PRPS1: variants seen among roughly 807,000 people sequenced by gnomAD.
PRPS1 encodes ribose-phosphate pyrophosphokinase 1.
PRPS1 carries 1 observed loss-of-function variant against 16.9 expected under a neutral mutation model. That is an observed-to-expected ratio of 0.06 (90% confidence interval 0.02 to 0.28). The LOEUF is 0.28. PRPS1 is among the 10% of genes least tolerant of loss of function. The pLI is 1.00. For missense variants in PRPS1, 47 were observed against 254.0 expected, an observed-to-expected ratio of 0.19 and a Z score of 5.54; for synonymous variants, 70 against 90.2, an observed-to-expected ratio of 0.78 and a Z score of 1.27.
In PRPS1 at chrX:107,650,358, CTTTGTAT is replaced by C. The variant is rs1470423035; in HGVS notation, c.*327_*333del. On this transcript the variant is annotated 3_prime_UTR_variant, in exon 7 of 7. Coordinates refer to ENST00000372435, the MANE Select transcript of PRPS1 (RefSeq NM_002764.4). ...ACTGTGACTGGGGAAGCTCAGACTA[CTTTGTAT>C]GTGAATGCTTCAGGGTTTTCTTTGT... The C allele has an allele frequency of 2.5e-6, 1 of 405,775 alleles. No homozygotes were observed. Among genetic ancestry groups the C allele is most frequent in the East Asian group, 4.2e-5 (1 of 23,849 alleles). 33.4% of individuals were successfully genotyped at this position (405,775 alleles called of 1,213,427 possible). A position where few individuals can be genotyped will look rare whatever the true frequency, so the allele number is the denominator to read the frequency against.
chrX:107,635,437 A>G (rs965380760), intron 1 of PRPS1, among the ~76,000 whole-genome samples: 2 of 103,441 alleles, frequency 1.9e-5, no homozygotes, highest in African/African-American at 7.9e-5. Context: ...CAGCATTAAA[A>G]TTTTCTGATT....
At chrX:107,646,425 G>GT (rs910442991) in intron 5 of PRPS1, among the ~76,000 whole-genome samples, 3 of 111,787 alleles carry the variant, frequency 2.7e-5, no homozygotes, top group Non-Finnish European at 5.6e-5. Flanking sequence ...CCTGAGAATG[G>GT]TTTTTTTAAA....
rs756302313 is a variant in PRPS1, at chrX:107,645,149, A to G, written c.531-28A>G. On this transcript the variant is annotated intron_variant, in intron 4 of 6. Transcript: ENST00000372435. ...ATTTCTTTTGTCTTAGAAGCCACAC[A>G]TACATATGAACACGCTCTGTTTTGC... 10 of 1,208,889 alleles carry G rather than the reference A, an allele frequency of 8.3e-6. No individual in the cohort carries two copies. The African/African-American group carries it at 1.6e-4, about 19-fold the overall frequency.
chrX:107,639,658 T>A (rs1925527614), intron 2 of PRPS1, among the ~76,000 whole-genome samples, 180 bp downstream of exon 2: 1 of 112,256 alleles, frequency 8.9e-6, no homozygotes, highest in Non-Finnish European at 1.9e-5. Flanking sequence ...GCAACACATT[T>A]GTAGTCTGTA....
intron 2 of PRPS1, among the ~76,000 whole-genome samples, chrX:107,640,035 A>C (rs1012687923): frequency 4.4e-5 from 5 of 113,030 alleles, no homozygotes; most frequent in African/African-American, 6.4e-5. Flanking sequence ...TTATTCCAAC[A>C]GAGTATAAAG....
intron 4 of PRPS1, among the ~76,000 whole-genome samples, chrX:107,643,927 C>G (rs747341491): frequency 3.0e-4 from 33 of 111,684 alleles, no homozygotes; most frequent in African/African-American, 9.8e-4. Context: ...CCAGCAAAAA[C>G]TCATGTGACC....
At chrX:107,641,830 C>T (rs971697181) in intron 3 of PRPS1, among the ~76,000 whole-genome samples, 1 of 112,039 alleles carries the variant, frequency 8.9e-6, no homozygotes, top group African/African-American at 3.2e-5. Context: ...GGACTGTACT[C>T]CTTTTATGGA....
intron 3 of PRPS1, among the ~76,000 whole-genome samples, chrX:107,641,864 AC>A (rs1925580770): frequency 8.9e-6 from 1 of 112,758 alleles, no homozygotes; most frequent in Non-Finnish European, 1.9e-5. Flanking sequence ...ATTGAGAAAT[AC>A]AACTAATTTG....
intron 4 of PRPS1, 92 bp from the exon 5 acceptor site, chrX:107,645,085 A>T (rs1477453976): frequency 9.6e-7 from 1 of 1,042,430 alleles, no homozygotes; most frequent in Non-Finnish European, 1.3e-6. Flanking sequence ...AAGTGCTGGG[A>T]TTACAGGCGT....
At chrX:107,647,513 T>C (rs1225066450) in intron 5 of PRPS1, 93 bp from the exon 6 acceptor site, 6 of 930,434 alleles carry the variant, frequency 6.4e-6, no homozygotes, top group Non-Finnish European at 9.2e-6. Flanking sequence ...GATATTTTGT[T>C]GTGGAAGCCT....
intron 1 of PRPS1, among the ~76,000 whole-genome samples, chrX:107,637,233 A>G (rs1417771877): frequency 1.8e-5 from 2 of 111,137 alleles, no homozygotes; most frequent in East Asian, 5.6e-4. Context: ...CCTACTTCAT[A>G]CTTAGAGTAA....
intron 4 of PRPS1, among the ~76,000 whole-genome samples, chrX:107,642,721 G>T (rs1198915639): frequency 8.9e-6 from 1 of 112,039 alleles, no homozygotes; most frequent in East Asian, 2.8e-4. Context: ...TTATGGATTT[G>T]ACTATAACTT....
At chrX:107,633,304 C>A (rs1056936312) in intron 1 of PRPS1, among the ~76,000 whole-genome samples, 1 of 108,445 alleles carries the variant, frequency 9.2e-6, no homozygotes, top group Non-Finnish European at 1.9e-5. Flanking sequence ...CGCCTGTAGT[C>A]CCAGCTACTC....
chrX:107,645,093 C>T (rs767292037), intron 4 of PRPS1, 84 bp from the exon 5 acceptor site: 57 of 1,088,785 alleles, frequency 5.2e-5, no homozygotes, highest in Non-Finnish European at 6.7e-5. Context: ...GGATTACAGG[C>T]GTGAGCCACC....
At chrX:107,645,146 C>T in intron 4 of PRPS1, 31 bp from the exon 5 acceptor site, 1 of 1,209,556 alleles carries the variant, frequency 8.3e-7, no homozygotes, top group Non-Finnish European at 1.1e-6. Context: ...TTAGAAGCCA[C>T]ACATACATAT....
intron 1 of PRPS1, 101 bp downstream of exon 1, chrX:107,628,851 G>A (rs1172820328): frequency 9.0e-7 from 1 of 1,117,035 alleles, no homozygotes; most frequent in South Asian, 1.9e-5. Context: ...CTGGGGGTTG[G>A]GGGGAGAGGG....
chrX:107,635,985 G>A (rs755573363), intron 1 of PRPS1, among the ~76,000 whole-genome samples: 4 of 104,691 alleles, frequency 3.8e-5, no homozygotes, highest in South Asian at 9.4e-4. Flanking sequence ...ACTTGAACCC[G>A]GGAGGTGGAG....
At chrX:107,632,586 G>T (rs1345110012) in intron 1 of PRPS1, among the ~76,000 whole-genome samples, 1 of 112,524 alleles carries the variant, frequency 8.9e-6, no homozygotes, top group Admixed American at 9.5e-5. Flanking sequence ...CAAAACAGCT[G>T]AGAGAATGAT....
chrX:107,634,667 A>G (rs1474024925), intron 1 of PRPS1, among the ~76,000 whole-genome samples: 8 of 111,009 alleles, frequency 7.2e-5, no homozygotes, highest in Non-Finnish European at 1.3e-4. Context: ...TAAGAATTTT[A>G]TGGGTGAGAC....
Sources: allele counts gnomAD v4.1 joint callset (sites outside exome capture counted in the v4.1 genomes callset), GRCh38; gene constraint gnomAD v4.1.1; transcripts MANE v1.5; gene names NCBI Gene and HGNC (gene_info 2026-07-23, HGNC 2026-07-21).